Variants in KCNJ6 observed in about 807,000 individuals in gnomAD.
KCNJ6 encodes the protein potassium inwardly rectifying channel subfamily J member 6.
KCNJ6 carries 9 observed loss-of-function variants against 34.2 expected under a neutral mutation model. That is an observed-to-expected ratio of 0.26 (90% CI 0.16 to 0.46). The LOEUF (loss-of-function observed/expected upper bound fraction) is 0.46. Among genes scored for constraint, KCNJ6 ranks in the 20% least tolerant of loss-of-function variants. KCNJ6 has a pLI of 1.00. For synonymous variants in KCNJ6, 196 were observed against 207.1 expected (o/e 0.95, Z 0.46); for missense variants, 236 against 531.3 (o/e 0.44, Z 5.46).
chr21:37,763,232 A>C (rs1486335589), intron 2 of KCNJ6, among the ~76,000 whole-genome samples: 1 of 152,170 alleles, frequency 6.6e-6, no homozygotes, highest in Non-Finnish European at 1.5e-5. Context: ...GCTGGATGGC[A>C]GCCTGCTTGT....
At chr21:37,693,796 C>A (rs542049429) in intron 3 of KCNJ6, among the ~76,000 whole-genome samples, 30 of 152,268 alleles carry the variant, frequency 2.0e-4, no homozygotes, top group Non-Finnish European at 4.3e-4. Flanking sequence ...TTTTGGTAGT[C>A]TGGCTTCCTC....
intron 2 of KCNJ6, among the ~76,000 whole-genome samples, chr21:37,753,675 CTCTTTT>C (rs2055008566): frequency 2.0e-5 from 3 of 152,196 alleles, no homozygotes; most frequent in Admixed American, 2.0e-4. Context: ...GCTCTCTGTT[CTCTTTT>C]TCTTTTCATA....
At chr21:37,693,611 G>T (rs1055634956) in intron 3 of KCNJ6, among the ~76,000 whole-genome samples, 1 of 152,102 alleles carries the variant, frequency 6.6e-6, no homozygotes, top group Non-Finnish European at 1.5e-5. Flanking sequence ...GGAGGGGTGG[G>T]GGGATACAAC....
At chr21:37,907,136 A>G (rs949025330) in intron 1 of KCNJ6, among the ~76,000 whole-genome samples, 1 of 152,196 alleles carries the variant, frequency 6.6e-6, no homozygotes, top group African/African-American at 2.4e-5. Context: ...CTCCGAAGAG[A>G]GATTTCATTC....
chr21:37,838,028 G>A (rs1006816908), intron 2 of KCNJ6, among the ~76,000 whole-genome samples: 5 of 152,202 alleles, frequency 3.3e-5, no homozygotes, highest in Admixed American at 6.5e-5. Context: ...CATTGGGTAC[G>A]ACTCTAAGGT....
intron 3 of KCNJ6, among the ~76,000 whole-genome samples, chr21:37,681,060 G>T (rs1422620255): frequency 6.6e-6 from 1 of 152,218 alleles, no homozygotes; most frequent in Non-Finnish European, 1.5e-5. Flanking sequence ...CTGGGCCTGA[G>T]GATCATGTTG....
In KCNJ6 at chr21:37,705,722, G is replaced by T. The variant is rs1019595535; in HGVS notation, c.946+8489C>A. ...AGAGTGGAGACAGAGTTTGAATTCA[G>T]TCTGTCTGATCTCAGTCTTCACCAG... On this transcript the variant is annotated intron_variant, in intron 3 of 3. Coordinates refer to ENST00000609713, the MANE Select transcript of KCNJ6 (RefSeq NM_002240.5). Among the ~76,000 whole-genome samples, 5 of 152,222 alleles carry T rather than the reference G, an allele frequency of 3.3e-5. No individual in the cohort carries two copies. The East Asian group carries it at 9.6e-4, about 29-fold the overall frequency.
At chr21:37,633,478 T>C (rs1394097628) in intron 3 of KCNJ6, among the ~76,000 whole-genome samples, 1 of 79,390 alleles carries the variant, frequency 1.3e-5, no homozygotes, top group Non-Finnish European at 2.5e-5. Flanking sequence ...CCTTTGCCAG[T>C]AAAAATAAGA....
rs189465366 is a variant in KCNJ6, at chr21:37,790,180, C to T, written c.25+50478G>A. ...AAGACTCTGTTGCATTTGAAGTCAG[C>T]ATCAATCTTAGTGCTTTTTGGGGCA... is the stretch of plus-strand genomic sequence containing the variant. On this transcript the variant is annotated intron_variant, in intron 2 of 3. Transcript: ENST00000609713. 3.3e-5 allele frequency among the ~76,000 whole-genome samples: 5 copies of T among 152,314 alleles called. No homozygotes were observed. The East Asian group carries it at 9.6e-4, about 29-fold the overall frequency.
intron 3 of KCNJ6, among the ~76,000 whole-genome samples, chr21:37,709,525 A>AAAGAG (rs142260025): frequency 6.6e-6 from 1 of 151,334 alleles, no homozygotes; most frequent in African/African-American, 2.4e-5. Context: ...AAAAAAAAGA[A>AAAGAG]AAGAAAAGAA....
intron 2 of KCNJ6, among the ~76,000 whole-genome samples, chr21:37,819,579 C>T (rs1480049091): frequency 6.6e-6 from 1 of 152,148 alleles, no homozygotes; most frequent in Non-Finnish European, 1.5e-5. Flanking sequence ...GTGACAGGTA[C>T]AGCTATAACC....
rs772291771 is a variant in KCNJ6 at position 37,770,127 on chromosome 21, C to T, written c.26-54996G>A. 6.6e-4 allele frequency among the ~76,000 whole-genome samples: 100 copies of T among 152,262 alleles called. 1 individual carries two copies. Among genetic ancestry groups the T allele is most frequent in the Admixed American group, 1.2e-3 (18 of 15,296 alleles). On this transcript the variant is annotated intron_variant, in intron 2 of 3. Coordinates refer to ENST00000609713, the MANE Select transcript of KCNJ6 (RefSeq NM_002240.5). Reference sequence around the variant, plus strand: ...AGGGTTACCAGCCCCTGTATTCTACCCAGTTGTCTTGGCCAGTAGGAGCTG... The same window carrying T: ...AGGGTTACCAGCCCCTGTATTCTACTCAGTTGTCTTGGCCAGTAGGAGCTG...
chr21:37,696,127 A>G (rs1435580508), intron 3 of KCNJ6, among the ~76,000 whole-genome samples: 1 of 152,238 alleles, frequency 6.6e-6, no homozygotes, highest in African/African-American at 2.4e-5. Context: ...AGAAAGAACC[A>G]TGCATTCAGA....
chr21:37,615,920 A>C lies in KCNJ6; in HGVS notation c.*9239T>G, dbSNP rs2054265051. On this transcript the variant is annotated 3_prime_UTR_variant, in exon 4 of 4. Transcript: ENST00000609713. ...AGTGTGATATGAGGATGATGGCTTG[A>C]AGAAGAGCCTTTTAAGAAGCAATTT... The C allele has an allele frequency of 6.6e-6, 1 of 152,248 alleles. No homozygotes were observed. The highest frequency in any genetic ancestry group is 2.4e-5 in the African/African-American group (1 of 41,470). 9.4% of individuals were successfully genotyped at this position (152,248 alleles called of 1,614,324 possible).
intron 3 of KCNJ6, among the ~76,000 whole-genome samples, chr21:37,671,897 T>C (rs1445417136): frequency 6.6e-6 from 1 of 151,994 alleles, no homozygotes; most frequent in African/African-American, 2.4e-5. Flanking sequence ...TTTTTTTTTG[T>C]GTTGATCTTG....
At chr21:37,629,630 G>A (rs2054325347) in intron 3 of KCNJ6, among the ~76,000 whole-genome samples, 1 of 152,140 alleles carries the variant, frequency 6.6e-6, no homozygotes, top group Non-Finnish European at 1.5e-5. Flanking sequence ...GCCAAGGAGA[G>A]GGGTCTCAGA....
chr21:37,731,347 C>T (rs2054884176), intron 2 of KCNJ6, among the ~76,000 whole-genome samples: 1 of 152,102 alleles, frequency 6.6e-6, no homozygotes, highest in South Asian at 2.1e-4. Context: ...GAAAAAAAGA[C>T]TTTCTAAGAT....
chr21:37,682,355 G>A (rs1418591073), intron 3 of KCNJ6, among the ~76,000 whole-genome samples: 1 of 152,182 alleles, frequency 6.6e-6, no homozygotes, highest in African/African-American at 2.4e-5. Flanking sequence ...CTGCCCAGCC[G>A]AGCCAGCAGG....
Position 37,613,539 on chromosome 21 carries a change from GATAA to G in KCNJ6, c.*11616_*11619del, listed in dbSNP as rs1380357133. 2 of 140,424 alleles carry G rather than the reference GATAA, an allele frequency of 1.4e-5. No homozygotes were observed. The highest frequency in any genetic ancestry group is 2.5e-5 in the African/African-American group (1 of 40,720). The allele number at this position is 140,424 out of a possible 1,614,324, so 8.7% of individuals were successfully genotyped here. ...CAAGGTGTCCTTCAGTAGGTGAATG[GATAA>G]ATAAACAGTGGTACATCCAGAAAAT... On this transcript the variant is annotated 3_prime_UTR_variant, in exon 4 of 4. Coordinates refer to ENST00000609713, the MANE Select transcript of KCNJ6 (RefSeq NM_002240.5).
Sources: allele counts gnomAD v4.1 joint callset (sites outside exome capture counted in the v4.1 genomes callset), GRCh38; gene constraint gnomAD v4.1.1; transcripts MANE v1.5; gene names NCBI Gene and HGNC (gene_info 2026-07-23, HGNC 2026-07-21).